Variants in PRKD1 observed in about 807,000 individuals in gnomAD.
PRKD1 encodes the protein protein kinase D1.
A neutral mutation model predicts 95.9 loss-of-function variants in PRKD1; 63 were observed. The ratio of observed to expected loss-of-function variants is 0.66; its 90% CI spans 0.54 to 0.81. PRKD1 has a LOEUF of 0.81. PRKD1 is among the 30% of genes least tolerant of loss of function. PRKD1 has a pLI of 0.00. For missense variants in PRKD1, 1,048 were observed against 1,165.3 expected (o/e 0.90, Z 1.47); for synonymous variants, 425 against 423.1 (o/e 1.00, Z -0.05).
chr14:29,820,502 G>A (rs931326427), intron 1 of PRKD1, among the ~76,000 whole-genome samples: 1 of 152,146 alleles, frequency 6.6e-6, no homozygotes, highest in Non-Finnish European at 1.5e-5. Context: ...GGATGAGTAC[G>A]TGCTCTCCTA....
intron 2 of PRKD1, among the ~76,000 whole-genome samples, chr14:29,675,782 T>C (rs567438671): frequency 6.6e-6 from 1 of 151,996 alleles, no homozygotes; most frequent in African/African-American, 2.4e-5. Context: ...ATATACACCA[T>C]GGAATACTAT....
intron 1 of PRKD1, among the ~76,000 whole-genome samples, chr14:29,870,010 T>C (rs1893047641): frequency 6.6e-6 from 1 of 152,216 alleles, no homozygotes; most frequent in African/African-American, 2.4e-5. Context: ...GGTTAACTTA[T>C]GGCTCCACAG....
chr14:29,731,888 T>A (rs1304809129), intron 1 of PRKD1, among the ~76,000 whole-genome samples: 1 of 151,878 alleles, frequency 6.6e-6, no homozygotes, highest in Non-Finnish European at 1.5e-5. Context: ...TTTTTTTTTT[T>A]TTTGAGACCG....
intron 16 of PRKD1, among the ~76,000 whole-genome samples, chr14:29,581,875 T>C (rs1286740859): frequency 1.3e-5 from 2 of 152,190 alleles, no homozygotes; most frequent in Non-Finnish European, 2.9e-5. Flanking sequence ...GGCCTAAACA[T>C]AGGGCTTTCT....
chr14:29,887,487 C>T lies in PRKD1; in HGVS notation c.264+39762G>A, dbSNP rs78513995. Among the ~76,000 whole-genome samples, 28 of 152,250 alleles carry T rather than the reference C, an allele frequency of 1.8e-4. 1 individual carries two copies. In the East Asian group the frequency reaches 5.4e-3, roughly 29 times the overall value. On this transcript the variant is annotated intron_variant, in intron 1 of 17. Coordinates refer to ENST00000331968, the MANE Select transcript of PRKD1 (RefSeq NM_002742.3). ...GACAAGCAAGAATACTATGGAAAAACTGAGCACTAATCTATAGAAGAAACA... is the reference window on the plus strand; with the variant it reads ...GACAAGCAAGAATACTATGGAAAAATTGAGCACTAATCTATAGAAGAAACA...
At chr14:29,912,660 C>G (rs1566668523) in intron 1 of PRKD1, among the ~76,000 whole-genome samples, 1 of 152,214 alleles carries the variant, frequency 6.6e-6, no homozygotes, top group Non-Finnish European at 1.5e-5. Context: ...TATTTGCCTA[C>G]TTATTTTTTA....
chr14:29,695,904 T>C (rs1594436624), intron 2 of PRKD1, among the ~76,000 whole-genome samples: 2 of 152,176 alleles, frequency 1.3e-5, no homozygotes, highest in East Asian at 3.9e-4. Context: ...ATGTCAGAGG[T>C]TGATAGCATT....
At chr14:29,842,780 C>G (rs189121561) in intron 1 of PRKD1, among the ~76,000 whole-genome samples, 55 of 152,194 alleles carry the variant, frequency 3.6e-4, no homozygotes, top group African/African-American at 1.3e-3. Flanking sequence ...ATGAGCATAC[C>G]AAGCATGAAA....
intron 1 of PRKD1, among the ~76,000 whole-genome samples, chr14:29,730,926 T>G (rs932439666): frequency 6.6e-6 from 1 of 152,116 alleles, no homozygotes; most frequent in Non-Finnish European, 1.5e-5. Context: ...TCAAGATATC[T>G]ATTGTATAAT....
intron 1 of PRKD1, among the ~76,000 whole-genome samples, chr14:29,793,749 G>A (rs1434753618): frequency 1.3e-5 from 2 of 151,962 alleles, no homozygotes; most frequent in African/African-American, 4.8e-5. Context: ...CTTCACAGCT[G>A]CTGTTTACCC....
chr14:29,881,772 CT>C (rs1185609910), intron 1 of PRKD1, among the ~76,000 whole-genome samples: 2 of 152,022 alleles, frequency 1.3e-5, no homozygotes, highest in African/African-American at 4.8e-5. Context: ...AAAACTTCTC[CT>C]TTTTTTGTCC....
intron 1 of PRKD1, among the ~76,000 whole-genome samples, chr14:29,818,614 T>C (rs1169240490): frequency 1.5e-5 from 2 of 130,192 alleles, no homozygotes; most frequent in Admixed American, 7.4e-5. Flanking sequence ...AATACTTCAT[T>C]TGAAAAAAAA....
intron 4 of PRKD1, among the ~76,000 whole-genome samples, chr14:29,652,232 G>A (rs556535958): frequency 4.6e-5 from 7 of 152,144 alleles, no homozygotes; most frequent in Non-Finnish European, 7.4e-5. Context: ...TGGAGGTCAC[G>A]GTACCTTGCC....
chr14:29,842,741 A>G (rs940835945), intron 1 of PRKD1, among the ~76,000 whole-genome samples: 1 of 152,198 alleles, frequency 6.6e-6, no homozygotes, highest in Admixed American at 6.6e-5. Context: ...GACACATGTT[A>G]GCCTCCAAAC....
At chr14:29,651,752 T>C (rs1881517486) in intron 4 of PRKD1, among the ~76,000 whole-genome samples, 1 of 152,108 alleles carries the variant, frequency 6.6e-6, no homozygotes, top group Non-Finnish European at 1.5e-5. Flanking sequence ...TATTTATGTA[T>C]TTATTTTTGA....
intron 13 of PRKD1, among the ~76,000 whole-genome samples, chr14:29,600,454 G>A (rs1368497182): frequency 6.6e-6 from 1 of 152,082 alleles, no homozygotes; most frequent in African/African-American, 2.4e-5. Context: ...ACACAAATTT[G>A]AACTGTGTGG....
intron 16 of PRKD1, among the ~76,000 whole-genome samples, chr14:29,593,744 T>G (rs1300445244): frequency 1.3e-5 from 2 of 152,206 alleles, no homozygotes; most frequent in Non-Finnish European, 2.9e-5. Flanking sequence ...CCCAGTTGTG[T>G]GAGCCAATAA....
intron 7 of PRKD1, among the ~76,000 whole-genome samples, chr14:29,635,492 AC>A (rs1412072383): frequency 1.3e-5 from 2 of 152,220 alleles, no homozygotes; most frequent in African/African-American, 4.8e-5. Context: ...ATGGAAAAAA[AC>A]AATCATTTTA....
intron 1 of PRKD1, among the ~76,000 whole-genome samples, chr14:29,768,635 C>T (rs1888368130): frequency 6.6e-6 from 1 of 151,806 alleles, no homozygotes; most frequent in Non-Finnish European, 1.5e-5. Context: ...AGTTCACCCA[C>T]TATTTCCAAA....
Sources: allele counts gnomAD v4.1 joint callset (sites outside exome capture counted in the v4.1 genomes callset), GRCh38; gene constraint gnomAD v4.1.1; transcripts MANE v1.5; gene names NCBI Gene and HGNC (gene_info 2026-07-23, HGNC 2026-07-21).